The following PMS1 variants were observed in gnomAD, a reference collection of about 807,000 sequenced individuals.
PMS1 encodes the protein PMS1 homolog 1, mismatch repair system component.
A neutral mutation model predicts 93.1 loss-of-function variants in PMS1; 79 were observed. The ratio of observed to expected loss-of-function variants is 0.85; its 90% CI spans 0.71 to 1.02. The LOEUF is 1.02. PMS1 is among the 50% of genes least tolerant of loss of function. The pLI is 0.00. For synonymous variants in PMS1, 335 were observed against 363.4 expected, an observed-to-expected ratio of 0.92 and a Z score of 0.89; for missense variants, 1,064 against 1,085.3, an observed-to-expected ratio of 0.98 and a Z score of 0.28.
At chr2:189,831,014 A>G (rs916554854) in intron 5 of PMS1, among the ~76,000 whole-genome samples, 1 of 152,186 alleles carries the variant, frequency 6.6e-6, no homozygotes, top group Non-Finnish European at 1.5e-5. Context: ...CGTGATTTTC[A>G]TCTAGGACCC....
At chr2:189,835,423 A>G (rs1283522837) in intron 5 of PMS1, among the ~76,000 whole-genome samples, 2 of 152,236 alleles carry the variant, frequency 1.3e-5, no homozygotes, top group East Asian at 3.8e-4. Flanking sequence ...AATTCAAAAC[A>G]TTTAGCAGTG....
chr2:189,786,731 T>C (rs979609610), intron 1 of PMS1, among the ~76,000 whole-genome samples: 1 of 152,238 alleles, frequency 6.6e-6, no homozygotes, highest in African/African-American at 2.4e-5. Context: ...CTATTACTTT[T>C]ATTATCAAAC....
chr2:189,819,881 G>A (rs1230124764), intron 5 of PMS1, among the ~76,000 whole-genome samples: 1 of 152,118 alleles, frequency 6.6e-6, no homozygotes, highest in Non-Finnish European at 1.5e-5. Flanking sequence ...GAAAACTCCA[G>A]CTTTCTTTCC....
At chr2:189,825,934 A>C (rs1258424563) in intron 5 of PMS1, among the ~76,000 whole-genome samples, 1 of 152,194 alleles carries the variant, frequency 6.6e-6, no homozygotes, top group Non-Finnish European at 1.5e-5. Flanking sequence ...GAATTCAGTT[A>C]ATCTGGGAAG....
At chr2:189,801,364 A>G (rs2049872824) in intron 3 of PMS1, among the ~76,000 whole-genome samples, 1 of 152,254 alleles carries the variant, frequency 6.6e-6, no homozygotes, top group Non-Finnish European at 1.5e-5. Context: ...ATGTTTAATT[A>G]CTAGTACTAA....
At chr2:189,865,743 T>C (rs5743161) in intron 10 of PMS1, among the ~76,000 whole-genome samples, 7,573 of 152,264 alleles carry the variant, frequency 0.05, 303 homozygotes, top group African/African-American at 0.1. Context: ...AACATTTCCC[T>C]TTTTTAACTT....
intron 1 of PMS1, among the ~76,000 whole-genome samples, chr2:189,791,167 T>C (rs2048830204): frequency 6.6e-6 from 1 of 152,160 alleles, no homozygotes; most frequent in South Asian, 2.1e-4. Context: ...TGTATTCATA[T>C]ATTAGGTATC....
chr2:189,837,390 A>G (rs1336068173), intron 5 of PMS1, among the ~76,000 whole-genome samples: 6 of 152,178 alleles, frequency 3.9e-5, no homozygotes, highest in Non-Finnish European at 8.8e-5. Flanking sequence ...TAGCCTTGTG[A>G]ATAAGTTTTT....
At chr2:189,870,778 A>C (rs1265855662) in intron 11 of PMS1, among the ~76,000 whole-genome samples, 1 of 152,240 alleles carries the variant, frequency 6.6e-6, no homozygotes, top group Non-Finnish European at 1.5e-5. Context: ...TAAATAGTTA[A>C]AAGAGATGTG....
At chr2:189,807,817 C>T (rs1034252088) in intron 4 of PMS1, among the ~76,000 whole-genome samples, 2 of 152,118 alleles carry the variant, frequency 1.3e-5, no homozygotes, top group African/African-American at 4.8e-5. Flanking sequence ...TTTCTTTTAT[C>T]TCAAGAAACA....
At chr2:189,844,221 A>G (rs2054052836) in intron 6 of PMS1, 141 bp downstream of exon 6, 6 of 1,374,286 alleles carry the variant, frequency 4.4e-6, no homozygotes, top group Admixed American at 2.2e-5. Context: ...AACAGTCAAT[A>G]CAGAGCTTAT....
Position 189,795,770 on chromosome 2 carries a change from AG to A in PMS1, c.135del (p.Asn46ThrfsTer23), listed in dbSNP as rs2049300713. Reference protein sequence around the residue: ...AGATSVDVKLENYGFDKIEVR... With the variant: ...AGATSVDVKLXNYGFDKIEVR... ...AAAGTGTTTTTTGACATTTTATAGG[AG>A]AACTATGGATTTGATAAAATTGAGG... is the stretch of plus-strand genomic sequence containing the variant. On this transcript the variant is annotated frameshift_variant and splice_region_variant, in exon 3 of 13. Coordinates refer to ENST00000441310, the MANE Select transcript of PMS1 (RefSeq NM_000534.5). LOFTEE classifies it high-confidence loss of function. 1 of 1,611,798 alleles carries A rather than the reference AG, an allele frequency of 6.2e-7. No homozygotes were observed. Among genetic ancestry groups the A allele is most frequent in the Non-Finnish European group, 8.5e-7 (1 of 1,177,996 alleles).
chr2:189,849,845 C>A (rs1243089367), intron 6 of PMS1, among the ~76,000 whole-genome samples: 1 of 148,746 alleles, frequency 6.7e-6, no homozygotes, highest in African/African-American at 2.5e-5. Context: ...CAGCTCCAGA[C>A]AGTGGCCACG....
intron 9 of PMS1, chr2:189,855,865 G>T (rs1218457771): frequency 1.8e-6 from 2 of 1,112,222 alleles, no homozygotes; most frequent in African/African-American, 3.3e-5. Flanking sequence ...ATGTTCTGGT[G>T]ATCTAATCCA....
intron 9 of PMS1, 143 bp from the exon 10 acceptor site, chr2:189,863,599 TA>T: frequency 1.5e-6 from 1 of 651,506 alleles, no homozygotes; most frequent in East Asian, 2.7e-5. Flanking sequence ...GTCATAGTTA[TA>T]TGCAGGAGAG....
intron 12 of PMS1, among the ~76,000 whole-genome samples, chr2:189,875,211 C>CTG (rs1309903100): frequency 6.7e-6 from 1 of 149,812 alleles, no homozygotes; most frequent in East Asian, 1.9e-4. Context: ...TGCTAGAAGA[C>CTG]TATCAGATAT....
intron 5 of PMS1, among the ~76,000 whole-genome samples, chr2:189,836,033 A>G (rs756476913): frequency 6.6e-6 from 1 of 152,084 alleles, no homozygotes; most frequent in Non-Finnish European, 1.5e-5. Flanking sequence ...GTCTAGGCCA[A>G]TAATATATCC....
At chr2:189,822,338 A>C (rs150376349) in intron 5 of PMS1, among the ~76,000 whole-genome samples, 1 of 152,344 alleles carries the variant, frequency 6.6e-6, no homozygotes, top group African/African-American at 2.4e-5. Flanking sequence ...GTCTACTCGA[A>C]GAAGTGGACT....
intron 6 of PMS1, among the ~76,000 whole-genome samples, chr2:189,849,867 CTTT>C (rs751444288): frequency 9.3e-5 from 11 of 118,882 alleles, no homozygotes; most frequent in Non-Finnish European, 1.4e-4. Context: ...TATTTTTAAA[CTTT>C]TTTTTTTTTT....
Sources: allele counts gnomAD v4.1 joint callset (sites outside exome capture counted in the v4.1 genomes callset), GRCh38; gene constraint gnomAD v4.1.1; transcripts MANE v1.5; gene names NCBI Gene and HGNC (gene_info 2026-07-23, HGNC 2026-07-21).